EEF1AKMT1: variants seen among roughly 807,000 people sequenced by gnomAD.
The protein encoded by EEF1AKMT1 is N-6 adenine-specific DNA methyltransferase 2 (putative).
In EEF1AKMT1, 18 loss-of-function variants were observed where a neutral mutation model predicts 21.0. That is an observed-to-expected ratio of 0.86 (90% CI 0.59 to 1.27). The LOEUF (loss-of-function observed/expected upper bound fraction) is 1.27. Ranked by LOEUF, EEF1AKMT1 falls within the 50% of genes most tolerant of loss-of-function variation. EEF1AKMT1 has a pLI of 0.00. For synonymous variants in EEF1AKMT1, 109 were observed against 94.8 expected (o/e 1.15, Z -0.87); for missense variants, 246 against 258.6 (o/e 0.95, Z 0.33).
chr13:20,740,440 G>A (rs1194174434), intron 2 of EEF1AKMT1, among the ~76,000 whole-genome samples: 2 of 152,254 alleles, frequency 1.3e-5, no homozygotes, highest in African/African-American at 4.8e-5. Context: ...AGGCCGAGGA[G>A]GTGCCAAGAG....
At chr13:20,770,301 G>C (rs778545681) in intron 1 of EEF1AKMT1, among the ~76,000 whole-genome samples, 2 of 152,018 alleles carry the variant, frequency 1.3e-5, no homozygotes, top group South Asian at 4.2e-4. Flanking sequence ...CTAGGGGCTG[G>C]GGGGAGGGGA....
At chr13:20,737,948 A>G (rs936727154) in intron 2 of EEF1AKMT1, 143 bp from the exon 3 acceptor site, 4 of 472,572 alleles carry the variant, frequency 8.5e-6, no homozygotes, top group Non-Finnish European at 1.4e-5. Context: ...ATATTTTTAA[A>G]AAGTTTTTCT....
chr13:20,730,252 G>A (rs962242324), intron 4 of EEF1AKMT1, among the ~76,000 whole-genome samples: 2 of 152,238 alleles, frequency 1.3e-5, no homozygotes, highest in African/African-American at 2.4e-5. Flanking sequence ...AGGAAGCAAC[G>A]GAGTGAATAA....
At chr13:20,761,658 A>T (rs2141435028) in intron 1 of EEF1AKMT1, among the ~76,000 whole-genome samples, 1 of 142,188 alleles carries the variant, frequency 7.0e-6, no homozygotes, top group South Asian at 2.7e-4. Flanking sequence ...ATACATTATA[A>T]GAGGGTTTCA....
intron 1 of EEF1AKMT1, among the ~76,000 whole-genome samples, chr13:20,764,917 A>ACACACACACACCCC (rs71087097): frequency 6.8e-6 from 1 of 146,290 alleles, no homozygotes; most frequent in East Asian, 2.0e-4. Context: ...ACACACACAC[A>ACACACACACACCCC]CCCTAATTTT....
intron 2 of EEF1AKMT1, among the ~76,000 whole-genome samples, chr13:20,748,725 G>GTTTTTTTT (rs1491496241): frequency 8.7e-5 from 6 of 68,642 alleles, no homozygotes; most frequent in Non-Finnish European, 1.1e-4. Context: ...GTTTTTTTTT[G>GTTTTTTTT]GTTTTTTTTT....
chr13:20,737,830 G>A (rs1207850962), intron 2 of EEF1AKMT1, 25 bp from the exon 3 acceptor site: 2 of 1,560,730 alleles, frequency 1.3e-6, no homozygotes, highest in African/African-American at 1.4e-5. Context: ...TAGGTTGATA[G>A]CATTTTAGAA....
intron 2 of EEF1AKMT1, among the ~76,000 whole-genome samples, chr13:20,753,627 A>G (rs2058954963): frequency 6.6e-6 from 1 of 152,116 alleles, no homozygotes; most frequent in South Asian, 2.1e-4. Context: ...GTTTGGAATC[A>G]TTGTTTACTC....
At chr13:20,767,200 G>C (rs2059039310) in intron 1 of EEF1AKMT1, among the ~76,000 whole-genome samples, 1 of 151,200 alleles carries the variant, frequency 6.6e-6, no homozygotes, top group Admixed American at 6.6e-5. Flanking sequence ...CAGCTACTCG[G>C]GAGGCTGAGG....
rs563345948 is a variant in EEF1AKMT1, at chr13:20,728,986, G to A, written c.*94C>T. ...GGCCAGGGACAGCTCCAGTTTGGGG[G>A]GAGGGGAAGAGATTATAACTTTTAA... On this transcript the variant is annotated 3_prime_UTR_variant, in exon 5 of 5. Coordinates refer to ENST00000382758, the MANE Select transcript of EEF1AKMT1 (RefSeq NM_001318939.2). 2 of 1,494,340 alleles carry A rather than the reference G, an allele frequency of 1.3e-6. No homozygotes were observed. The highest frequency in any genetic ancestry group is 2.4e-5 in the South Asian group (2 of 83,432). 92.6% of individuals were successfully genotyped at this position (1,494,340 alleles called of 1,614,324 possible). A position where few individuals can be genotyped will look rare whatever the true frequency, so the allele number is the denominator to read the frequency against.
At chr13:20,753,707 T>TTAAAAA (rs1166075763) in intron 2 of EEF1AKMT1, among the ~76,000 whole-genome samples, 12 of 152,234 alleles carry the variant, frequency 7.9e-5, no homozygotes, top group African/African-American at 2.7e-4. Context: ...ACTTAAAATC[T>TTAAAAA]GCTTTATCTG....
chr13:20,770,394 A>T (rs1013760063), intron 1 of EEF1AKMT1, among the ~76,000 whole-genome samples: 1 of 152,178 alleles, frequency 6.6e-6, no homozygotes, highest in Non-Finnish European at 1.5e-5. Flanking sequence ...TTATACTTAG[A>T]ACTAAAAATA....
intron 2 of EEF1AKMT1, among the ~76,000 whole-genome samples, chr13:20,743,421 G>C (rs2058883691): frequency 6.6e-6 from 1 of 150,892 alleles, no homozygotes; most frequent in Non-Finnish European, 1.5e-5. Context: ...CTTTAATTTT[G>C]TGTGTGGATT....
chr13:20,741,485 T>G (rs1290229079), intron 2 of EEF1AKMT1, among the ~76,000 whole-genome samples: 1 of 137,768 alleles, frequency 7.3e-6, no homozygotes, highest in East Asian at 2.0e-4. Flanking sequence ...TGAGATGGAG[T>G]CTTGCTCTGT....
chr13:20,740,226 C>T (rs1042290635), intron 2 of EEF1AKMT1, among the ~76,000 whole-genome samples: 1 of 152,220 alleles, frequency 6.6e-6, no homozygotes, highest in African/African-American at 2.4e-5. Context: ...GCTCCGAGTG[C>T]GGGGCCTGCC....
At chr13:20,747,211 G>C (rs2058910153) in intron 2 of EEF1AKMT1, 1 of 208,682 alleles carries the variant, frequency 4.8e-6, no homozygotes, top group Non-Finnish European at 9.7e-6. Context: ...CCTCTGATGG[G>C]GCAAGGGCAG....
At chr13:20,767,344 TG>T (rs1316554198) in intron 1 of EEF1AKMT1, among the ~76,000 whole-genome samples, 1 of 147,084 alleles carries the variant, frequency 6.8e-6, no homozygotes, top group Non-Finnish European at 1.5e-5. Flanking sequence ...TATTTCCAGC[TG>T]GTGTCATTTT....
chr13:20,773,384 T>C (rs1207434436), intron 1 of EEF1AKMT1, among the ~76,000 whole-genome samples: 1 of 152,138 alleles, frequency 6.6e-6, no homozygotes, highest in African/African-American at 2.4e-5. Flanking sequence ...GCCGCCCGCG[T>C]CCTAGTCTAC....
chr13:20,770,489 A>G (rs1359164109), intron 1 of EEF1AKMT1, among the ~76,000 whole-genome samples: 1 of 152,248 alleles, frequency 6.6e-6, no homozygotes, highest in Non-Finnish European at 1.5e-5. Flanking sequence ...GTTTACTGCA[A>G]TAAGCATAAG....
Sources: gnomAD v4.1 joint callset for allele counts (sites outside exome capture counted in the v4.1 genomes callset) on GRCh38, gnomAD v4.1.1 for gene constraint, MANE v1.5 for transcripts, NCBI Gene and HGNC (gene_info 2026-07-23, HGNC 2026-07-21) for gene names.